The following FAAH2 variants were observed in gnomAD, a reference collection of about 807,000 sequenced individuals.
The protein encoded by FAAH2 is fatty-acid amide hydrolase 2.
A neutral mutation model predicts 36.9 loss-of-function variants in FAAH2; 60 were observed. The observed-to-expected ratio is 1.63, with a 90% CI of 1.32 to 2.02. The LOEUF (loss-of-function observed/expected upper bound fraction) is 2.02. FAAH2 is among the 30% of genes most tolerant of loss of function. The probability of loss-of-function intolerance (pLI) is 0.00; values close to 1 mark genes in which losing one functional copy is unlikely to be tolerated. For missense variants in FAAH2, 689 were observed against 397.5 expected (o/e 1.73, Z -6.23); for synonymous variants, 214 against 143.8 (o/e 1.49, Z -3.49).
the FAAH2 span, among the ~76,000 whole-genome samples, chrX:57,258,055 A>G: frequency 1.8e-5 from 2 of 111,939 alleles, no homozygotes; most frequent in Non-Finnish European, 3.8e-5. Flanking sequence ...ATATTATACA[A>G]TTATAGTAAT....
At chrX:57,171,478 T>G in the FAAH2 span, among the ~76,000 whole-genome samples, 1 of 112,001 alleles carries the variant, frequency 8.9e-6, no homozygotes, top group Non-Finnish European at 1.9e-5. Flanking sequence ...GGTATCTCAT[T>G]TTCATTTTAA....
chrX:57,273,024 T>A, the FAAH2 span, among the ~76,000 whole-genome samples: 40,519 of 110,721 alleles, frequency 0.37, 6,334 homozygotes, highest in Middle Eastern at 0.62. Context: ...ATCTACCTCA[T>A]GTGCAAAGAC....
the FAAH2 span, among the ~76,000 whole-genome samples, chrX:57,196,010 G>T: frequency 8.9e-6 from 1 of 112,066 alleles, no homozygotes; most frequent in Admixed American, 9.5e-5. Flanking sequence ...TAGCCTTATA[G>T]TATAGTTTGA....
intron 7 of FAAH2, among the ~76,000 whole-genome samples, chrX:57,404,148 G>T (rs1485032619): frequency 8.9e-6 from 1 of 112,264 alleles, no homozygotes; most frequent in Non-Finnish European, 1.9e-5. Context: ...TGGCCTCAGT[G>T]CTTTCAGGCT....
the FAAH2 span, among the ~76,000 whole-genome samples, chrX:57,211,569 A>G: frequency 1.8e-5 from 2 of 111,887 alleles, no homozygotes; most frequent in African/African-American, 6.5e-5. Context: ...CTCTAGTGCC[A>G]CAACCATGGT....
At chrX:57,266,127 C>G in the FAAH2 span, among the ~76,000 whole-genome samples, 2 of 111,833 alleles carry the variant, frequency 1.8e-5, no homozygotes, top group Non-Finnish European at 3.8e-5. Context: ...ACTTTTTTAA[C>G]CAACTCCGTG....
chrX:57,275,686 T>A, the FAAH2 span, among the ~76,000 whole-genome samples: 1 of 111,489 alleles, frequency 9.0e-6, no homozygotes. Context: ...CCATCTCACG[T>A]GCAGGGACAC....
intron 7 of FAAH2, among the ~76,000 whole-genome samples, chrX:57,401,248 A>G (rs187095596): frequency 8.9e-6 from 1 of 112,273 alleles, no homozygotes; most frequent in East Asian, 2.8e-4. Flanking sequence ...AGGTATGAGA[A>G]CTGGCTCAAA....
intron 4 of FAAH2, among the ~76,000 whole-genome samples, chrX:57,339,097 A>G (rs2053626104): frequency 9.0e-6 from 1 of 111,453 alleles, no homozygotes; most frequent in Non-Finnish European, 1.9e-5. Flanking sequence ...TAGACAACTC[A>G]GAAATAAGAC....
At position 57,378,785 on chromosome X, in the gene FAAH2, A is replaced by C. The variant is rs202011260; in HGVS notation, c.877A>C (p.Arg293=). 3.8e-5 allele frequency: 46 copies of C among 1,202,045 alleles called. 1 individual carries two copies. In the East Asian group the frequency reaches 7.5e-4, roughly 19 times the overall value. The part of the protein sequence containing the change: ...LKVMAGPGIK[R]LKLDTKVHLK... ...GGTCATGGCAGGACCTGGGATCAAAAGGTATGTTCATTTATTTTTATTTCC... is the reference window on the plus strand; with the variant it reads ...GGTCATGGCAGGACCTGGGATCAAACGGTATGTTCATTTATTTTTATTTCC... Residue 293 remains arginine, a splice_region_variant and synonymous_variant, in exon 6 of 11, where the codon AGG becomes CGG. Transcript: ENST00000374900.
At chrX:57,155,450 G>A in the FAAH2 span, among the ~76,000 whole-genome samples, 6 of 111,520 alleles carry the variant, frequency 5.4e-5, no homozygotes, top group Non-Finnish European at 1.1e-4. Context: ...TGGGGAAGCT[G>A]GCAGTTAGAG....
intron 7 of FAAH2, among the ~76,000 whole-genome samples, chrX:57,386,937 T>C (rs934705197): frequency 8.9e-6 from 1 of 112,089 alleles, no homozygotes; most frequent in Non-Finnish European, 1.9e-5. Context: ...AAGAGACAGA[T>C]TGAAATACAT....
chrX:57,160,838 G>T, the FAAH2 span, among the ~76,000 whole-genome samples: 82 of 111,917 alleles, frequency 7.3e-4, no homozygotes, highest in African/African-American at 2.6e-3. Flanking sequence ...TTTTTGAAGG[G>T]TTTTTTGTGT....
chrX:57,476,415 G>A (rs960044511), intron 10 of FAAH2, among the ~76,000 whole-genome samples: 1 of 111,486 alleles, frequency 9.0e-6, no homozygotes, highest in Non-Finnish European at 1.9e-5. Context: ...AAAGGGTGTT[G>A]AATTTTATCA....
At chrX:57,127,586 T>A in the FAAH2 span, among the ~76,000 whole-genome samples, 1 of 112,145 alleles carries the variant, frequency 8.9e-6, no homozygotes, top group Non-Finnish European at 1.9e-5. Flanking sequence ...AATCACTTAT[T>A]TTTTAAATGT....
At chrX:57,424,421 G>A (rs1236455621) in intron 7 of FAAH2, among the ~76,000 whole-genome samples, 4 of 111,775 alleles carry the variant, frequency 3.6e-5, no homozygotes, top group Non-Finnish European at 7.5e-5. Context: ...AACACCTACA[G>A]CCCTGAAGTT....
chrX:57,315,697 T>A (rs1285613039), intron 3 of FAAH2, among the ~76,000 whole-genome samples: 1 of 111,645 alleles, frequency 9.0e-6, no homozygotes, highest in Admixed American at 9.6e-5. Context: ...TAACTTTTGA[T>A]ATAATTCAAC....
At chrX:57,488,477 C>T (rs2057514770) in intron 10 of FAAH2, among the ~76,000 whole-genome samples, 1 of 111,273 alleles carries the variant, frequency 9.0e-6, no homozygotes, top group African/African-American at 3.3e-5. Context: ...ATTTCAATTA[C>T]AGCTTTTGCT....
the FAAH2 span, among the ~76,000 whole-genome samples, chrX:57,241,056 C>T: frequency 1.8e-5 from 2 of 112,161 alleles, no homozygotes; most frequent in African/African-American, 6.5e-5. Context: ...CTCTGAGTCC[C>T]ATGCAGGCTG....
Sources: gnomAD v4.1 joint callset for allele counts (sites outside exome capture counted in the v4.1 genomes callset) on GRCh38, gnomAD v4.1.1 for gene constraint, MANE v1.5 for transcripts, NCBI Gene and HGNC (gene_info 2026-07-23, HGNC 2026-07-21) for gene names.